Variants in MAD1L1 observed in about 807,000 individuals in gnomAD.
MAD1L1 encodes the protein mitotic spindle assembly checkpoint protein MAD1.
A neutral mutation model predicts 96.9 loss-of-function variants in MAD1L1; 95 were observed. The ratio of observed to expected loss-of-function variants is 0.98; its 90% CI spans 0.83 to 1.16. The LOEUF (loss-of-function observed/expected upper bound fraction) is 1.16. Ranked by LOEUF, MAD1L1 falls within the 50% of genes most tolerant of loss-of-function variation. The pLI, the probability that MAD1L1 is intolerant of heterozygous loss-of-function variation, is 0.00. For missense variants in MAD1L1, 1,007 were observed against 954.4 expected (o/e 1.06, Z -0.73); for synonymous variants, 473 against 396.6 (o/e 1.19, Z -2.29).
intron 17 of MAD1L1, among the ~76,000 whole-genome samples, chr7:1,912,452 G>A (rs1475035640): frequency 2.0e-5 from 3 of 152,242 alleles, no homozygotes; most frequent in African/African-American, 4.8e-5. Flanking sequence ...GGTGGCCACT[G>A]CAGAGACTGC....
At chr7:1,998,912 C>T (rs1200941660) in intron 14 of MAD1L1, among the ~76,000 whole-genome samples, 1 of 147,868 alleles carries the variant, frequency 6.8e-6, no homozygotes, top group Non-Finnish European at 1.5e-5. Context: ...GGACACCAGA[C>T]CCCACAGTCC....
chr7:1,823,634 C>T (rs1782240287), intron 18 of MAD1L1, among the ~76,000 whole-genome samples: 1 of 152,158 alleles, frequency 6.6e-6, no homozygotes, highest in Non-Finnish European at 1.5e-5. Context: ...TCTCTTTTCC[C>T]AGAACAGACC....
chr7:2,141,399 G>A (rs1212441076), intron 11 of MAD1L1, among the ~76,000 whole-genome samples: 17 of 152,242 alleles, frequency 1.1e-4, no homozygotes, highest in Non-Finnish European at 4.4e-5. Context: ...AGGCCCAGCA[G>A]CCAGCTGCAG....
rs535245253 is a variant in MAD1L1, at chr7:1,873,697, C to T, written c.1998+24503G>A. On this transcript the variant is annotated intron_variant, in intron 18 of 18. Coordinates refer to ENST00000265854, the MANE Select transcript of MAD1L1 (RefSeq NM_001013836.2). ...CCCCCGACCACCATGGGGGAGTGGGCACCCCGGGTGCAGGATGTGCCCTGA... is the reference window on the plus strand; with the variant it reads ...CCCCCGACCACCATGGGGGAGTGGGTACCCCGGGTGCAGGATGTGCCCTGA... 7.9e-5 allele frequency among the ~76,000 whole-genome samples: 12 copies of T among 152,214 alleles called. No individual in the cohort carries two copies. The East Asian group carries it at 2.1e-3, about 27-fold the overall frequency.
intron 10 of MAD1L1, among the ~76,000 whole-genome samples, chr7:2,201,230 T>A (rs183457615): frequency 4.7e-4 from 53 of 113,872 alleles, no homozygotes; most frequent in African/African-American, 1.5e-3. Flanking sequence ...CAGGTAGTGG[T>A]GGGCTGCCCA....
In MAD1L1 at chr7:1,911,783, G is replaced by A. The variant is rs572097533; in HGVS notation, c.1808-13393C>T. On this transcript the variant is annotated intron_variant, in intron 17 of 18. Coordinates refer to ENST00000265854, the MANE Select transcript of MAD1L1 (RefSeq NM_001013836.2). The stretch of plus-strand genomic sequence containing the variant: ...GCATCCCAACCCTCTCCAGTCCGGC[G>A]TCACCTCCAGATGAAGCCCCTCTTG... 2.5e-4 allele frequency among the ~76,000 whole-genome samples: 38 copies of A among 152,310 alleles called. No individual in the cohort carries two copies. The South Asian group carries it at 7.7e-3, about 31-fold the overall frequency.
At chr7:2,126,073 G>C (rs925348987) in intron 11 of MAD1L1, among the ~76,000 whole-genome samples, 1 of 152,160 alleles carries the variant, frequency 6.6e-6, no homozygotes, top group East Asian at 1.9e-4. Context: ...GTGGACTCGG[G>C]GACAGACCCA....
intron 12 of MAD1L1, among the ~76,000 whole-genome samples, chr7:2,029,737 G>C (rs960577965): frequency 6.6e-6 from 1 of 152,100 alleles, no homozygotes; most frequent in Non-Finnish European, 1.5e-5. Context: ...GAGCAAGGGC[G>C]GTGGGAGTTG....
chr7:1,963,554 G>A (rs959278920), intron 15 of MAD1L1, among the ~76,000 whole-genome samples: 5 of 152,180 alleles, frequency 3.3e-5, no homozygotes, highest in African/African-American at 1.2e-4. Context: ...ACTTGACATC[G>A]CGCAGCTTAC....
At chr7:2,063,435 G>A (rs964406913) in intron 12 of MAD1L1, among the ~76,000 whole-genome samples, 1 of 152,208 alleles carries the variant, frequency 6.6e-6, no homozygotes, top group Non-Finnish European at 1.5e-5. Context: ...GAGGAACAGC[G>A]GCCTTGTCTG....
At chr7:1,844,890 C>T (rs1434048887) in intron 18 of MAD1L1, among the ~76,000 whole-genome samples, 2 of 152,240 alleles carry the variant, frequency 1.3e-5, no homozygotes, top group Non-Finnish European at 2.9e-5. Flanking sequence ...CTGCCTCGCA[C>T]AGCTGCTGCC....
At chr7:2,183,589 C>G (rs1791307572) in intron 10 of MAD1L1, among the ~76,000 whole-genome samples, 2 of 152,154 alleles carry the variant, frequency 1.3e-5, no homozygotes, top group Non-Finnish European at 2.9e-5. Flanking sequence ...ATGATGAGTT[C>G]ATGTCCTTTG....
chr7:2,216,115 G>C, intron 8 of MAD1L1, 42 bp downstream of exon 8: 2 of 1,608,760 alleles, frequency 1.2e-6, no homozygotes, highest in South Asian at 1.1e-5. Flanking sequence ...CACAAACCCA[G>C]ACTCACTCGA....
At chr7:2,081,194 G>A (rs1275707527) in intron 11 of MAD1L1, among the ~76,000 whole-genome samples, 1 of 151,976 alleles carries the variant, frequency 6.6e-6, no homozygotes, top group East Asian at 1.9e-4. Context: ...GACAAGCTGG[G>A]CCGGGGTGGG....
intron 14 of MAD1L1, among the ~76,000 whole-genome samples, chr7:1,983,156 A>G (rs145450690): frequency 6.4e-4 from 15 of 23,508 alleles, no homozygotes; most frequent in South Asian, 4.1e-3. Context: ...GCGCGCGCGC[A>G]CACACACACA....
intron 18 of MAD1L1, among the ~76,000 whole-genome samples, chr7:1,821,985 C>T (rs555411357): frequency 4.3e-4 from 65 of 152,234 alleles, no homozygotes; most frequent in African/African-American, 1.6e-3. Flanking sequence ...ACTGTCCCTA[C>T]TCGGAAATCA....
chr7:2,005,965 C>G (rs980092316), intron 13 of MAD1L1, among the ~76,000 whole-genome samples: 10 of 152,172 alleles, frequency 6.6e-5, no homozygotes, highest in Non-Finnish European at 1.2e-4. Flanking sequence ...AAGCTCAGCA[C>G]GCAGAGGGGC....
chr7:1,970,164 T>A (rs950001496), intron 15 of MAD1L1, among the ~76,000 whole-genome samples: 2 of 152,126 alleles, frequency 1.3e-5, no homozygotes, highest in Non-Finnish European at 2.9e-5. Flanking sequence ...AGCAGACATG[T>A]GCAGCTGCCG....
intron 10 of MAD1L1, among the ~76,000 whole-genome samples, chr7:2,191,309 G>A (rs1232255237): frequency 6.6e-6 from 1 of 152,166 alleles, no homozygotes; most frequent in Non-Finnish European, 1.5e-5. Context: ...CATGAGTCCA[G>A]ACACAATAGC....
Sources: gnomAD v4.1 joint callset for allele counts (sites outside exome capture counted in the v4.1 genomes callset) on GRCh38, gnomAD v4.1.1 for gene constraint, MANE v1.5 for transcripts, NCBI Gene and HGNC (gene_info 2026-07-23, HGNC 2026-07-21) for gene names.